CSMD1: variants seen among roughly 807,000 people sequenced by gnomAD.
CSMD1 encodes CUB and Sushi multiple domains 1, also known as CUB and sushi domain-containing protein 1.
CSMD1 carries 213 observed loss-of-function variants against 417.5 expected under a neutral mutation model. The ratio of observed to expected loss-of-function variants is 0.51; its 90% CI spans 0.46 to 0.57. CSMD1 has a LOEUF of 0.57. Among genes scored for constraint, CSMD1 ranks in the 20% least tolerant of loss-of-function variants. The pLI is 0.00. For synonymous variants in CSMD1, 2,862 were observed against 1,736.8 expected, an observed-to-expected ratio of 1.65 and a Z score of -16.11; for missense variants, 6,923 against 4,529.7, an observed-to-expected ratio of 1.53 and a Z score of -15.17.
chr8:3,915,237 C>G (rs1180460282), intron 5 of CSMD1, among the ~76,000 whole-genome samples: 1 of 151,820 alleles, frequency 6.6e-6, no homozygotes, highest in African/African-American at 2.4e-5. Flanking sequence ...GAAACTCTGC[C>G]TCTACCAAAA....
chr8:3,421,937 C>A (rs1813514439), intron 12 of CSMD1, among the ~76,000 whole-genome samples: 2 of 151,502 alleles, frequency 1.3e-5, no homozygotes, highest in South Asian at 2.1e-4. Context: ...GGCGCCCGGC[C>A]CCACAGATGG....
At chr8:3,754,981 A>C (rs1797575039) in intron 5 of CSMD1, among the ~76,000 whole-genome samples, 1 of 152,256 alleles carries the variant, frequency 6.6e-6, no homozygotes, top group Non-Finnish European at 1.5e-5. Context: ...CATTTTAAAA[A>C]TAAGATGCAA....
chr8:4,157,723 G>C (rs1416139924), intron 3 of CSMD1, among the ~76,000 whole-genome samples: 1 of 152,194 alleles, frequency 6.6e-6, no homozygotes, highest in Non-Finnish European at 1.5e-5. Context: ...TTGTCCCTCT[G>C]GCCGTCCTTT....
At chr8:4,989,924 G>C (rs1811374445) in intron 1 of CSMD1, among the ~76,000 whole-genome samples, 1 of 152,188 alleles carries the variant, frequency 6.6e-6, no homozygotes, top group African/African-American at 2.4e-5. Context: ...TGGAGAGTAA[G>C]GAAGCATTGC....
intron 5 of CSMD1, among the ~76,000 whole-genome samples, chr8:3,767,500 CCTAA>C (rs1177808335): frequency 6.6e-6 from 1 of 152,202 alleles, no homozygotes; most frequent in Non-Finnish European, 1.5e-5. Context: ...CTTCCCCCAA[CCTAA>C]CTAAGGCTTA....
intron 8 of CSMD1, among the ~76,000 whole-genome samples, chr8:3,595,762 C>A (rs1037556726): frequency 1.7e-4 from 26 of 152,182 alleles, no homozygotes; most frequent in Non-Finnish European, 2.9e-5. Context: ...CTGCCATTTG[C>A]TAAACAACAG....
intron 1 of CSMD1, among the ~76,000 whole-genome samples, chr8:4,783,966 G>T (rs187940498): frequency 5.3e-5 from 8 of 152,308 alleles, no homozygotes; most frequent in African/African-American, 1.9e-4. Flanking sequence ...AGTTCCCACA[G>T]ATTGGATGAG....
chr8:3,472,909 C>T (rs1817187098), intron 11 of CSMD1, among the ~76,000 whole-genome samples: 1 of 151,894 alleles, frequency 6.6e-6, no homozygotes, highest in African/African-American at 2.4e-5. Context: ...TTTCCTCGTA[C>T]TTCTTTGATG....
chr8:3,908,326 C>T (rs1272241183), intron 5 of CSMD1, among the ~76,000 whole-genome samples: 1 of 152,126 alleles, frequency 6.6e-6, no homozygotes, highest in Non-Finnish European at 1.5e-5. Flanking sequence ...AAGATTTCAA[C>T]AAAATTTTTA....
At chr8:4,798,703 A>C (rs1043890287) in intron 1 of CSMD1, among the ~76,000 whole-genome samples, 4 of 152,206 alleles carry the variant, frequency 2.6e-5, no homozygotes, top group African/African-American at 9.7e-5. Context: ...GAAAAATACC[A>C]ATTTGTTAAA....
intron 20 of CSMD1, among the ~76,000 whole-genome samples, chr8:3,361,022 C>T (rs146402640): frequency 3.0e-3 from 450 of 152,182 alleles, no homozygotes; most frequent in African/African-American, 9.2e-3. Flanking sequence ...ATTATCTTTG[C>T]GTTTAGATAA....
intron 37 of CSMD1, among the ~76,000 whole-genome samples, chr8:3,164,360 G>C (rs1820082972): frequency 6.6e-6 from 1 of 152,138 alleles, no homozygotes; most frequent in Admixed American, 6.5e-5. Context: ...TAAGCATTAA[G>C]CAGCAATATA....
chr8:3,147,306 C>T (rs1385811563), intron 40 of CSMD1, among the ~76,000 whole-genome samples: 1 of 152,250 alleles, frequency 6.6e-6, no homozygotes, highest in South Asian at 2.1e-4. Context: ...TTCAACTTCC[C>T]AAAATCTCAT....
chr8:3,354,108 T>C (rs1014624034), intron 21 of CSMD1, among the ~76,000 whole-genome samples: 2 of 152,208 alleles, frequency 1.3e-5, no homozygotes, highest in African/African-American at 4.8e-5. Context: ...GGTCATTTTA[T>C]TGGGGACATT....
chr8:4,062,486 A>G (rs1373369294), intron 3 of CSMD1, among the ~76,000 whole-genome samples: 1 of 152,204 alleles, frequency 6.6e-6, no homozygotes, highest in African/African-American at 2.4e-5. Context: ...CTACAAATAA[A>G]TAAACAATAA....
intron 3 of CSMD1, among the ~76,000 whole-genome samples, chr8:4,327,169 T>C (rs774821558): frequency 1.4e-4 from 22 of 152,192 alleles, no homozygotes; most frequent in Non-Finnish European, 2.9e-5. Flanking sequence ...GTTAGATACA[T>C]TATTGTATAT....
intron 1 of CSMD1, among the ~76,000 whole-genome samples, chr8:4,818,042 T>A (rs1309482430): frequency 6.6e-6 from 1 of 152,172 alleles, no homozygotes; most frequent in East Asian, 1.9e-4. Flanking sequence ...GACCAGCACT[T>A]TTTATATATG....
intron 3 of CSMD1, among the ~76,000 whole-genome samples, chr8:4,268,587 G>C (rs1804370694): frequency 6.6e-6 from 1 of 152,066 alleles, no homozygotes; most frequent in Non-Finnish European, 1.5e-5. Context: ...CATTTCCAAA[G>C]ACTTATTTTT....
At chr8:4,565,503 C>G (rs1798550377) in intron 2 of CSMD1, among the ~76,000 whole-genome samples, 1 of 151,856 alleles carries the variant, frequency 6.6e-6, no homozygotes, top group Non-Finnish European at 1.5e-5. Context: ...TTAAGGAGGT[C>G]AAGGTGGGCG....
Sources: gnomAD v4.1 joint callset for allele counts (sites outside exome capture counted in the v4.1 genomes callset) on GRCh38, gnomAD v4.1.1 for gene constraint, MANE v1.5 for transcripts, NCBI Gene and HGNC (gene_info 2026-07-23, HGNC 2026-07-21) for gene names.